The following FAM184B variants were observed in gnomAD, a reference collection of about 807,000 sequenced individuals.
The protein encoded by FAM184B is family with sequence similarity 184 member B, also known as protein FAM184B.
In FAM184B, 111 loss-of-function variants were observed where a neutral mutation model predicts 135.9. That is an observed-to-expected ratio of 0.82 (90% confidence interval 0.70 to 0.96). The LOEUF is 0.96. Ranked by LOEUF, FAM184B falls within the 40% of genes least tolerant of loss-of-function variation. FAM184B has a pLI of 0.00. For missense variants in FAM184B, 1,375 were observed against 1,323.9 expected, an observed-to-expected ratio of 1.04 and a Z score of -0.60; for synonymous variants, 552 against 524.8, an observed-to-expected ratio of 1.05 and a Z score of -0.71.
At chr4:17,723,099 G>A (rs1717567079) in intron 1 of FAM184B, among the ~76,000 whole-genome samples, 1 of 152,144 alleles carries the variant, frequency 6.6e-6, no homozygotes, top group Non-Finnish European at 1.5e-5. Flanking sequence ...TTTTCCATAT[G>A]AATGGTATAA....
chr4:17,631,071 A>G lies in FAM184B; in HGVS notation c.*1461T>C, dbSNP rs1390707458. 1 of 152,206 alleles carries G rather than the reference A, an allele frequency of 6.6e-6. No individual in the cohort carries two copies. The highest frequency in any genetic ancestry group is 1.5e-5 in the Non-Finnish European group (1 of 68,040). 9.4% of individuals were successfully genotyped at this position (152,206 alleles called of 1,614,324 possible). On this transcript the variant is annotated 3_prime_UTR_variant, in exon 18 of 18. Transcript: ENST00000265018. ...CATTGCTCTGTCAGAAGGTAAGACA[A>G]ATCAGTGTGGACTGAGAGCAAGGTC...
chr4:17,660,457 T>C (rs1022571140), intron 8 of FAM184B, among the ~76,000 whole-genome samples: 9 of 152,226 alleles, frequency 5.9e-5, no homozygotes, highest in African/African-American at 2.2e-4. Context: ...CTCTATGGTC[T>C]TAATTTTGCA....
In FAM184B at chr4:17,735,024, C is replaced by T. The variant is rs1327678405; in HGVS notation, c.142-25380G>A. ...CCATAAAAAATAAAGAGTTCATGTC[C>T]TTTGTAGGGACATGGATGAAATTGG... On this transcript the variant is annotated intron_variant, in intron 1 of 17. Transcript: ENST00000265018. Among the ~76,000 whole-genome samples the T allele has an allele frequency of 2.6e-5, 4 of 152,108 alleles. No individual in the cohort carries two copies. In the East Asian group the frequency reaches 7.7e-4, roughly 29 times the overall value.
rs181733119 is a variant in FAM184B at position 17,690,702 on chromosome 4, A to G, written c.1489-2171T>C. 3.3e-5 allele frequency among the ~76,000 whole-genome samples: 5 copies of G among 152,346 alleles called. No individual in the cohort carries two copies. In the East Asian group the frequency reaches 7.7e-4, roughly 24 times the overall value. ...TCTTGCTAAGGTTTATGAAATATTC[A>G]GAGGAGCTGGTGCAATTGTTTATGT... On this transcript the variant is annotated intron_variant, in intron 6 of 17. Coordinates refer to ENST00000265018, the MANE Select transcript of FAM184B (RefSeq NM_015688.2).
intron 7 of FAM184B, among the ~76,000 whole-genome samples, chr4:17,672,168 C>T (rs1716182075): frequency 6.6e-6 from 1 of 152,054 alleles, no homozygotes. Flanking sequence ...CTATTTGTCA[C>T]ATATAAGAGA....
At chr4:17,636,787 C>A (rs867940104) in intron 14 of FAM184B, 142 bp from the exon 15 acceptor site, 20 of 666,992 alleles carry the variant, frequency 3.0e-5, no homozygotes, top group Non-Finnish European at 4.9e-5. Context: ...TTGCCCAGGG[C>A]CCCCTGGGGA....
intron 15 of FAM184B, 62 bp downstream of exon 15, chr4:17,636,466 T>C: frequency 7.6e-7 from 1 of 1,312,132 alleles, no homozygotes; most frequent in South Asian, 1.3e-5. Flanking sequence ...TGAACGCCCC[T>C]CCCGGGGGAG....
intron 7 of FAM184B, among the ~76,000 whole-genome samples, chr4:17,679,822 A>ATAC (rs1716395334): frequency 6.6e-6 from 1 of 152,194 alleles, no homozygotes; most frequent in African/African-American, 2.4e-5. Flanking sequence ...TGATATATAC[A>ATAC]TACCATGGAA....
chr4:17,724,111 TCACA>T (rs112763574), intron 1 of FAM184B, among the ~76,000 whole-genome samples: 53,184 of 150,200 alleles, frequency 0.35, 10,801 homozygotes, highest in Non-Finnish European at 0.47. Flanking sequence ...AAACAAAATC[TCACA>T]CACACACACA....
At chr4:17,686,233 A>C (rs1242455640) in intron 7 of FAM184B, among the ~76,000 whole-genome samples, 1 of 152,170 alleles carries the variant, frequency 6.6e-6, no homozygotes, top group Non-Finnish European at 1.5e-5. Flanking sequence ...ACTGAGGGAG[A>C]ATGAAAATGT....
chr4:17,770,709 G>A (rs1718802651), intron 1 of FAM184B, among the ~76,000 whole-genome samples: 2 of 152,078 alleles, frequency 1.3e-5, no homozygotes, highest in Admixed American at 1.3e-4. Context: ...CAGGTGATCT[G>A]CCTGCCTCGG....
chr4:17,700,742 CA>C (rs1716964924), intron 5 of FAM184B, among the ~76,000 whole-genome samples: 1 of 151,862 alleles, frequency 6.6e-6, no homozygotes, highest in African/African-American at 2.4e-5. Context: ...ACGTTTGGGC[CA>C]AAAACAAGCT....
intron 1 of FAM184B, among the ~76,000 whole-genome samples, chr4:17,723,245 G>A (rs1487971761): frequency 1.3e-5 from 2 of 152,170 alleles, no homozygotes; most frequent in Admixed American, 6.5e-5. Flanking sequence ...GCCACTATTC[G>A]CAGCAGAGAA....
chr4:17,633,703 T>G lies in FAM184B; in HGVS notation c.3075A>C (p.Ala1025=). 1 of 1,535,572 alleles carries G rather than the reference T, an allele frequency of 6.5e-7. No homozygotes were observed. The highest frequency in any genetic ancestry group is 8.8e-7 in the Non-Finnish European group (1 of 1,139,066). ...ATCCCCCAAACCTTGTGGCAGTTTT[T>G]GCATCTGTAGACTGGTTGGGTTTGT... ...RTYKPNQSTD[A]KTATRTPDGE... Residue 1025 remains alanine, a synonymous_variant, in exon 17 of 18, where the codon GCA becomes GCC. Transcript: ENST00000265018.
intron 1 of FAM184B, among the ~76,000 whole-genome samples, chr4:17,761,330 G>T (rs1243819413): frequency 6.6e-6 from 1 of 152,160 alleles, no homozygotes; most frequent in African/African-American, 2.4e-5. Context: ...GAAGAGAGAA[G>T]AACCCTTACC....
rs550107850 is a variant in FAM184B, at chr4:17,644,988, C to T, written c.2346+2649G>A. On this transcript the variant is annotated intron_variant, in intron 12 of 17. Transcript: ENST00000265018. ...ATGAGTGAACTCCCATTCACAATTG[C>T]TTCAAAGAGAATAAAATACCTAGGA... Among the ~76,000 whole-genome samples, 5 of 152,246 alleles carry T rather than the reference C, an allele frequency of 3.3e-5. No homozygotes were observed. In the East Asian group the frequency reaches 9.7e-4, roughly 29 times the overall value.
In FAM184B at chr4:17,633,450, G is replaced by A. The variant is rs1715024577; in HGVS notation, c.3089+239C>T. On this transcript the variant is annotated intron_variant, in intron 17 of 17. Coordinates refer to ENST00000265018, the MANE Select transcript of FAM184B (RefSeq NM_015688.2). ...GGAGAGGTCAAGTGACCTGTCCAAGGCCACAGAGCTAAGAATGAGGAAGAC... is the reference window on the plus strand; with the variant it reads ...GGAGAGGTCAAGTGACCTGTCCAAGACCACAGAGCTAAGAATGAGGAAGAC... 6 of 398,152 alleles carry A rather than the reference G, an allele frequency of 1.5e-5. No homozygotes were observed. In the South Asian group the frequency reaches 3.2e-4, roughly 21 times the overall value. The allele number at this position is 398,152 out of a possible 1,614,324, so 24.7% of individuals were successfully genotyped here.
In FAM184B at chr4:17,684,181, T is replaced by C. The variant is rs28613948; in HGVS notation, c.1596+4243A>G. Among the ~76,000 whole-genome samples the C allele has an allele frequency of 9.6e-3, 1,382 of 144,344 alleles. 27 individuals carry two copies. Among genetic ancestry groups the C allele is most frequent in the African/African-American group, 0.032 (1,276 of 39,326 alleles). The allele number at this position is 144,344 out of a possible 152,430, so 94.7% of individuals were successfully genotyped here. A position where few individuals can be genotyped will look rare whatever the true frequency, so the allele number is the denominator to read the frequency against. On this transcript the variant is annotated intron_variant, in intron 7 of 17. Coordinates refer to ENST00000265018, the MANE Select transcript of FAM184B (RefSeq NM_015688.2). Reference sequence around the variant, plus strand: ...TAAAATATAATATAAAATAAAATAATTATATATAAAATAGTTATATAAAAA... The same window carrying C: ...TAAAATATAATATAAAATAAAATAACTATATATAAAATAGTTATATAAAAA...
At chr4:17,707,555 C>G in intron 3 of FAM184B, 94 bp downstream of exon 3, 1 of 1,489,780 alleles carries the variant, frequency 6.7e-7, no homozygotes, top group African/African-American at 1.4e-5. Context: ...CCCCTCCTCT[C>G]TGCTCCCTTA....
Sources: allele counts gnomAD v4.1 joint callset (sites outside exome capture counted in the v4.1 genomes callset), GRCh38; gene constraint gnomAD v4.1.1; transcripts MANE v1.5; gene names NCBI Gene and HGNC (gene_info 2026-07-23, HGNC 2026-07-21).